PTPRT: variants seen among roughly 807,000 people sequenced by gnomAD.
PTPRT encodes the protein protein tyrosine phosphatase receptor type T, also known as receptor-type tyrosine-protein phosphatase T.
In PTPRT, 56 loss-of-function variants were observed where a neutral mutation model predicts 176.8. The ratio of observed to expected loss-of-function variants is 0.32; its 90% CI spans 0.26 to 0.40. The LOEUF is 0.40. Among genes scored for constraint, PTPRT ranks in the 10% least tolerant of loss-of-function variants. The probability of loss-of-function intolerance (pLI) is 1.00; values close to 1 mark genes in which losing one functional copy is unlikely to be tolerated. For missense variants in PTPRT, 1,540 were observed against 1,908.2 expected (o/e 0.81, Z 3.60); for synonymous variants, 783 against 739.0 (o/e 1.06, Z -0.96).
intron 1 of PTPRT, among the ~76,000 whole-genome samples, chr20:42,886,172 A>T (rs1342967667): frequency 6.6e-6 from 1 of 152,206 alleles, no homozygotes; most frequent in South Asian, 2.1e-4. Context: ...AAGGCTAGTT[A>T]CATTGATTTC....
intron 19 of PTPRT, among the ~76,000 whole-genome samples, chr20:42,123,972 GC>G (rs1485810585): frequency 2.6e-5 from 4 of 152,160 alleles, no homozygotes; most frequent in Non-Finnish European, 5.9e-5. Context: ...CATGTCCCCA[GC>G]ACCTACAAGT....
chr20:43,063,096 T>C (rs1310782791), intron 1 of PTPRT, among the ~76,000 whole-genome samples: 1 of 152,086 alleles, frequency 6.6e-6, no homozygotes, highest in African/African-American at 2.4e-5. Context: ...CAAGCAAAGG[T>C]GAATTAGAAA....
rs747476620 is a variant in PTPRT at position 42,426,735 on chromosome 20, G to A, written c.1560+21485C>T. Among the ~76,000 whole-genome samples the A allele has an allele frequency of 5.8e-4, 88 of 152,250 alleles. 3 individuals carry two copies. The highest frequency in any genetic ancestry group is 2.1e-4 in the South Asian group (1 of 4,820). ...TGCCTGTCTGTGAGCTCCCCCTCCC[G>A]TAAGGGGTTTGAATGTGCACAGTGG... On this transcript the variant is annotated intron_variant, in intron 9 of 30. Transcript: ENST00000373187.
At position 42,786,030 on chromosome 20, in the gene PTPRT, G is replaced by C. The variant is rs1353564164; in HGVS notation, c.486+5165C>G. 2.0e-5 allele frequency among the ~76,000 whole-genome samples: 3 copies of C among 152,258 alleles called. No individual in the cohort carries two copies. The South Asian group carries it at 6.2e-4, about 32-fold the overall frequency. ...CCATACTGTTCTTGTGATACTGAAT[G>C]AGTTATCACAAGATCTGATGGTTTT... On this transcript the variant is annotated intron_variant, in intron 3 of 30. Coordinates refer to ENST00000373187, the MANE Select transcript of PTPRT (RefSeq NM_007050.6).
At chr20:42,792,027 T>G (rs909559768) in intron 2 of PTPRT, among the ~76,000 whole-genome samples, 3 of 152,240 alleles carry the variant, frequency 2.0e-5, no homozygotes, top group Non-Finnish European at 4.4e-5. Flanking sequence ...GGTTAAAATG[T>G]GCTTGCCTTG....
intron 7 of PTPRT, among the ~76,000 whole-genome samples, chr20:42,474,456 G>A (rs1181519766): frequency 6.6e-6 from 1 of 152,200 alleles, no homozygotes; most frequent in East Asian, 1.9e-4. Context: ...GGGTGTTGAG[G>A]ATAGTGGGCA....
At chr20:42,161,798 TC>T (rs1402088632) in intron 16 of PTPRT, among the ~76,000 whole-genome samples, 1 of 152,164 alleles carries the variant, frequency 6.6e-6, no homozygotes, top group Non-Finnish European at 1.5e-5. Flanking sequence ...TCCAGGTTGT[TC>T]ATCATCCCCG....
chr20:42,926,480 T>G (rs1016231202), intron 1 of PTPRT, among the ~76,000 whole-genome samples: 3 of 152,186 alleles, frequency 2.0e-5, no homozygotes, highest in Non-Finnish European at 4.4e-5. Flanking sequence ...CCTCAAGGGA[T>G]CCAGGACGAC....
chr20:42,382,459 A>C (rs2058706232), intron 9 of PTPRT, among the ~76,000 whole-genome samples: 1 of 152,168 alleles, frequency 6.6e-6, no homozygotes, highest in African/African-American at 2.4e-5. Flanking sequence ...ATCCCTGTAC[A>C]TCACTTGGCA....
chr20:42,356,451 C>G, intron 9 of PTPRT, among the ~76,000 whole-genome samples: 1 of 152,070 alleles, frequency 6.6e-6, no homozygotes, highest in East Asian at 1.9e-4. Context: ...TCCCAGCACT[C>G]TGGGAGGCTG....
intron 1 of PTPRT, among the ~76,000 whole-genome samples, chr20:43,180,672 A>G (rs1374544888): frequency 6.6e-6 from 1 of 152,122 alleles, no homozygotes; most frequent in African/African-American, 2.4e-5. Flanking sequence ...CATGTTGGCC[A>G]GGTTGGTCTC....
intron 11 of PTPRT, among the ~76,000 whole-genome samples, chr20:42,343,937 T>C (rs2058149621): frequency 1.3e-5 from 2 of 152,362 alleles, no homozygotes; most frequent in East Asian, 3.9e-4. Context: ...TCTCGCTCTG[T>C]CACCCAGGCT....
At chr20:42,689,741 G>A (rs577614403) in intron 6 of PTPRT, among the ~76,000 whole-genome samples, 33 of 152,162 alleles carry the variant, frequency 2.2e-4, no homozygotes, top group Middle Eastern at 3.4e-3. Flanking sequence ...CAGGAGAGTC[G>A]GAGAGAGCGA....
intron 13 of PTPRT, among the ~76,000 whole-genome samples, chr20:42,275,123 C>T (rs2057007474): frequency 6.6e-6 from 1 of 152,246 alleles, no homozygotes; most frequent in African/African-American, 2.4e-5. Flanking sequence ...GGCTTTACTT[C>T]TGTCATCACA....
chr20:42,988,697 A>G (rs1983733003), intron 1 of PTPRT, among the ~76,000 whole-genome samples: 1 of 152,236 alleles, frequency 6.6e-6, no homozygotes, highest in African/African-American at 2.4e-5. Context: ...CTGCAGGGAA[A>G]TAGGAACCCC....
intron 13 of PTPRT, among the ~76,000 whole-genome samples, chr20:42,258,810 T>C (rs1247827881): frequency 1.3e-5 from 2 of 152,206 alleles, no homozygotes; most frequent in East Asian, 3.8e-4. Context: ...TCAGAGTCAA[T>C]GTTAAGTAGC....
chr20:42,527,491 C>A (rs1196587971), intron 7 of PTPRT, among the ~76,000 whole-genome samples: 3 of 152,210 alleles, frequency 2.0e-5, no homozygotes, highest in Non-Finnish European at 4.4e-5. Flanking sequence ...ACACTGCAAC[C>A]TGCCACCTTT....
At chr20:42,363,228 ACACCCCTC>A (rs1176964447) in intron 9 of PTPRT, among the ~76,000 whole-genome samples, 1 of 139,044 alleles carries the variant, frequency 7.2e-6, no homozygotes, top group Admixed American at 7.5e-5. Flanking sequence ...AGCCAAAGGC[ACACCCCTC>A]CACCCCTCAC....
chr20:42,834,242 A>G (rs931288293), intron 2 of PTPRT, among the ~76,000 whole-genome samples: 7 of 152,202 alleles, frequency 4.6e-5, no homozygotes, highest in African/African-American at 1.7e-4. Context: ...AAATAAGAAT[A>G]TGAAAAGATG....
Sources: gnomAD v4.1 joint callset for allele counts (sites outside exome capture counted in the v4.1 genomes callset) on GRCh38, gnomAD v4.1.1 for gene constraint, MANE v1.5 for transcripts, NCBI Gene and HGNC (gene_info 2026-07-23, HGNC 2026-07-21) for gene names.